The following DNAH11 variants were observed in gnomAD, a reference collection of about 807,000 sequenced individuals.
The protein encoded by DNAH11 is axonemal beta dynein heavy chain 11.
A neutral mutation model predicts 526.0 loss-of-function variants in DNAH11; 442 were observed. The observed-to-expected ratio is 0.84, with a 90% CI of 0.78 to 0.91. DNAH11 has a LOEUF of 0.91. DNAH11 is among the 40% of genes least tolerant of loss of function. DNAH11 has a pLI of 0.00. For synonymous variants in DNAH11, 2,461 were observed against 1,935.9 expected, an observed-to-expected ratio of 1.27 and a Z score of -7.12; for missense variants, 6,989 against 5,448.7, an observed-to-expected ratio of 1.28 and a Z score of -8.90.
intron 26 of DNAH11, among the ~76,000 whole-genome samples, chr7:21,636,980 G>A (rs962895902): frequency 5.9e-5 from 9 of 152,160 alleles, no homozygotes; most frequent in Admixed American, 3.9e-4. Flanking sequence ...ATAATTGATT[G>A]GAGAGATTTC....
At chr7:21,631,369 A>AAAGGG (rs1786599962) in intron 25 of DNAH11, among the ~76,000 whole-genome samples, 2 of 152,174 alleles carry the variant, frequency 1.3e-5, no homozygotes, top group African/African-American at 4.8e-5. Context: ...TGCCTTCCCA[A>AAAGGG]CAGTCCCCGA....
chr7:21,628,786 G>T (rs62447791), intron 25 of DNAH11, among the ~76,000 whole-genome samples: 4,064 of 152,118 alleles, frequency 0.027, 80 homozygotes, highest in African/African-American at 0.049. Flanking sequence ...TTTGGTATCA[G>T]GGTAATGCTG....
At chr7:21,705,227 T>C (rs530227791) in intron 38 of DNAH11, among the ~76,000 whole-genome samples, 2 of 152,342 alleles carry the variant, frequency 1.3e-5, no homozygotes, top group Admixed American at 1.3e-4. Context: ...TGCCATATAC[T>C]GAGTACTGCG....
In DNAH11 at chr7:21,786,725, C is replaced by G. The variant is rs754349465; in HGVS notation, c.9699C>G (p.Pro3233=). ...MVLLAPRGRV[P]KDRSWKAAKV... is the part of the protein sequence containing the mutation. ...TTCTGGCTCCTCGGGGAAGAGTGCC[C>G]AAAGACCGAAGTTGGAAAGCAGCTA... The change falls in exon 59 of 82, where the codon CCC becomes CCG. Residue 3233 remains proline (P), a synonymous_variant. Transcript: ENST00000409508. The G allele has an allele frequency of 1.2e-6, 2 of 1,613,746 alleles. No homozygotes were observed. The highest frequency in any genetic ancestry group is 1.7e-5 in the Admixed American group (1 of 60,002).
At chr7:21,604,826 T>G (rs953794431) in intron 18 of DNAH11, among the ~76,000 whole-genome samples, 22 of 152,218 alleles carry the variant, frequency 1.4e-4, no homozygotes, top group African/African-American at 5.1e-4. Context: ...CTCCATGGAA[T>G]ACTTAGGTTC....
chr7:21,715,201 C>T (rs887000475), intron 42 of DNAH11, among the ~76,000 whole-genome samples: 2 of 152,210 alleles, frequency 1.3e-5, no homozygotes, highest in African/African-American at 2.4e-5. Flanking sequence ...TCAATTCCTT[C>T]TATCCTATAC....
Position 21,601,421 on chromosome 7 carries a change from A to C in DNAH11, c.3451A>C (p.Lys1151Gln). 6.2e-7 allele frequency: 1 copy of C among 1,613,126 alleles called. No homozygotes were observed. The highest frequency in any genetic ancestry group is 8.5e-7 in the Non-Finnish European group (1 of 1,179,462). The change falls in exon 18 of 82, where the codon AAG becomes CAG. Residue 1151 changes from lysine to glutamine, a missense_variant. By Grantham distance (53) the Lys-to-Gln change is moderately conservative. Transcript: ENST00000409508. ...DSLNELQEFI[K>Q]ETDSGLQREL... ...TCTGAATGAGCTACAAGAATTTATA[A>C]AGGAGACAGATTCCGGACTTCAGAG...
chr7:21,654,238 T>C (rs142469350), intron 28 of DNAH11, among the ~76,000 whole-genome samples: 1,982 of 152,266 alleles, frequency 0.013, 32 homozygotes, highest in Non-Finnish European at 0.015. Flanking sequence ...TACCTTCTCA[T>C]ACCCCTCCCT....
At position 21,586,924 on chromosome 7, in the gene DNAH11, C is replaced by G. The variant is rs183520040; in HGVS notation, c.1711-1140C>G. Among the ~76,000 whole-genome samples, 127 of 152,314 alleles carry G rather than the reference C, an allele frequency of 8.3e-4. 3 individuals carry two copies. The East Asian group carries it at 0.023, about 27-fold the overall frequency. ...AGCACAAACCCGAATGCTAGACTGCCTGGTTTCAAATCCCAGCTCCGCCAC... is the reference window on the plus strand; with the variant it reads ...AGCACAAACCCGAATGCTAGACTGCGTGGTTTCAAATCCCAGCTCCGCCAC... On this transcript the variant is annotated intron_variant, in intron 9 of 81. Transcript: ENST00000409508.
chr7:21,644,409 A>G (rs13224416), intron 28 of DNAH11, among the ~76,000 whole-genome samples: 58,322 of 152,016 alleles, frequency 0.38, 12,979 homozygotes, highest in Non-Finnish European at 0.51. Context: ...ATTCTTCTTT[A>G]GAAAATTAAT....
chr7:21,688,420 A>G (rs1783475161), intron 34 of DNAH11, among the ~76,000 whole-genome samples: 1 of 152,172 alleles, frequency 6.6e-6, no homozygotes, highest in South Asian at 2.1e-4. Flanking sequence ...GTTAGGCATC[A>G]CAGGCCCCAG....
intron 79 of DNAH11, among the ~76,000 whole-genome samples, chr7:21,897,623 A>G (rs1171907654): frequency 2.9e-5 from 1 of 34,658 alleles, no homozygotes; most frequent in Non-Finnish European, 4.1e-4. Context: ...TTCTAGAATT[A>G]CACTTTTTTT....
At position 21,894,615 on chromosome 7, in the gene DNAH11, G is replaced by A. The variant is rs2128048842; in HGVS notation, c.12751-8G>A. On this transcript the variant is annotated splice_polypyrimidine_tract_variant and splice_region_variant and intron_variant, in intron 77 of 81. Transcript: ENST00000409508. ...AAAGGAGCTAAATCTTTGTGTTACT[G>A]ATTTAAGGTTAAGAATGTCTTGGAT... 1.2e-6 allele frequency: 2 copies of A among 1,613,130 alleles called. No homozygotes were observed. The highest frequency in any genetic ancestry group is 1.1e-5 in the South Asian group (1 of 90,726).
At chr7:21,728,307 G>C (rs910756493) in intron 45 of DNAH11, among the ~76,000 whole-genome samples, 1 of 127,146 alleles carries the variant, frequency 7.9e-6, no homozygotes, top group Non-Finnish European at 1.6e-5. Context: ...GCCCAGGCTG[G>C]AGTGCAGTGG....
At chr7:21,719,981 C>G (rs75897807) in intron 43 of DNAH11, among the ~76,000 whole-genome samples, 3 of 152,232 alleles carry the variant, frequency 2.0e-5, no homozygotes, top group Non-Finnish European at 4.4e-5. Flanking sequence ...CTGCAGCAGC[C>G]GCATTCCCCT....
Position 21,599,888 on chromosome 7 carries a change from A to G in DNAH11, c.2769A>G (p.Ile923Met), listed in dbSNP as rs1583516086. The G allele has an allele frequency of 1.2e-6, 2 of 1,613,392 alleles. No individual in the cohort carries two copies. Among genetic ancestry groups the G allele is most frequent in the Non-Finnish European group, 1.7e-6 (2 of 1,179,610 alleles). Residue 923 changes from isoleucine to methionine, a missense_variant, in exon 15 of 82, where the codon ATA becomes ATG. Ile to Met is a conservative substitution (Grantham distance 10). Coordinates refer to ENST00000409508, the MANE Select transcript of DNAH11 (RefSeq NM_001277115.2). ...DIVVEGFFQA[I>M]MHDLDFFLKN... ...TGGTGGAAGGCTTTTTTCAGGCTAT[A>G]ATGCACGACTTAGACTTCTTTCTGA...
Position 21,710,833 on chromosome 7 carries a change from T to A in DNAH11, c.6834+130T>A, listed in dbSNP as rs76048703. 3,527 of 909,588 alleles carry A rather than the reference T, an allele frequency of 3.9e-3. 94 individuals are homozygous for A. The African/African-American group carries it at 0.056, about 15-fold the overall frequency. The allele number at this position is 909,588 out of a possible 1,614,324, so 56.3% of individuals were successfully genotyped here. On this transcript the variant is annotated intron_variant, in intron 41 of 81. Coordinates refer to ENST00000409508, the MANE Select transcript of DNAH11 (RefSeq NM_001277115.2). ...ATTCTTTATGTAATTATTATTTTGA[T>A]AAGTGTTGCTTTCCTGATAATTTTC...
chr7:21,800,235 G>T (rs1327701388), intron 61 of DNAH11, among the ~76,000 whole-genome samples: 6 of 152,142 alleles, frequency 3.9e-5, no homozygotes, highest in Admixed American at 6.6e-5. Context: ...CCAGTGGAAG[G>T]TGTTCCCTCT....
At chr7:21,790,318 C>T (rs1321000564) in intron 61 of DNAH11, among the ~76,000 whole-genome samples, 7 of 151,904 alleles carry the variant, frequency 4.6e-5, no homozygotes, top group East Asian at 1.9e-4. Flanking sequence ...GGCGTCATGG[C>T]GGGTGACTGT....
Sources: allele counts gnomAD v4.1 joint callset (sites outside exome capture counted in the v4.1 genomes callset), GRCh38; gene constraint gnomAD v4.1.1; transcripts MANE v1.5; gene names NCBI Gene and HGNC (gene_info 2026-07-23, HGNC 2026-07-21).